DIAPH2: variants seen among roughly 807,000 people sequenced by gnomAD.
DIAPH2 encodes the protein diaphanous related formin 2.
In DIAPH2, 35 loss-of-function variants were observed where a neutral mutation model predicts 92.7. The ratio of observed to expected loss-of-function variants is 0.38; its 90% CI spans 0.29 to 0.50. The LOEUF is 0.50. Ranked by LOEUF, DIAPH2 falls within the 20% of genes least tolerant of loss-of-function variation. The pLI is 0.94. For synonymous variants in DIAPH2, 301 were observed against 280.4 expected (o/e 1.07, Z -0.73); for missense variants, 701 against 819.5 (o/e 0.86, Z 1.77).
chrX:97,406,607 A>G (rs978907867), intron 25 of DIAPH2, among the ~76,000 whole-genome samples: 1 of 112,020 alleles, frequency 8.9e-6, no homozygotes, highest in South Asian at 3.7e-4. Context: ...GTAAGAGTAT[A>G]AGTAGTGTAT....
chrX:97,577,342 C>T (rs1181644809), intron 26 of DIAPH2, among the ~76,000 whole-genome samples: 1 of 112,341 alleles, frequency 8.9e-6, no homozygotes, highest in East Asian at 2.8e-4. Flanking sequence ...TACTACATGG[C>T]TATTTAATAT....
intron 4 of DIAPH2, among the ~76,000 whole-genome samples, chrX:96,836,750 C>T (rs1182794099): frequency 4.7e-5 from 2 of 42,338 alleles, no homozygotes; most frequent in African/African-American, 9.4e-5. Context: ...TTTTTTGAGA[C>T]GGAGTCTCGC....
At position 96,892,571 on chromosome X, in the gene DIAPH2, T is replaced by C. The variant is rs2065314762; in HGVS notation, c.587+10853T>C. On this transcript the variant is annotated intron_variant, in intron 5 of 26. Transcript: ENST00000324765. ...TTAAGTGACATGGAAATTTTAATTA[T>C]ATACTATTAGCTTCAAAACATAATT... Among the ~76,000 whole-genome samples the C allele has an allele frequency of 6.2e-5, 7 of 112,059 alleles. No homozygotes were observed. In the Admixed American group the frequency reaches 6.7e-4, roughly 11 times the overall value.
At chrX:97,033,436 C>T (rs1188773844) in intron 17 of DIAPH2, among the ~76,000 whole-genome samples, 1 of 111,505 alleles carries the variant, frequency 9.0e-6, no homozygotes, top group Non-Finnish European at 1.9e-5. Flanking sequence ...CTCCATTAGT[C>T]CTTTTGTTGC....
intron 4 of DIAPH2, among the ~76,000 whole-genome samples, chrX:96,804,733 AAAT>A (rs1326761618): frequency 9.0e-6 from 1 of 111,683 alleles, no homozygotes; most frequent in Non-Finnish European, 1.9e-5. Flanking sequence ...AGTGTTCCAA[AAAT>A]AAAATAATAA....
chrX:97,308,835 A>T (rs2147637316), intron 23 of DIAPH2, among the ~76,000 whole-genome samples: 1 of 104,187 alleles, frequency 9.6e-6, no homozygotes, highest in African/African-American at 3.5e-5. Flanking sequence ...GTTAGCCAGG[A>T]TGGATGAAAC....
chrX:97,518,526 ATGTGTGTGTATATATATGTT>A (rs1569416484), intron 26 of DIAPH2, among the ~76,000 whole-genome samples: 1 of 109,610 alleles, frequency 9.1e-6, no homozygotes, highest in Non-Finnish European at 1.9e-5. Context: ...ATATATATAT[ATGTGTGTGTATATATATGTT>A]TGTGTGTGTA....
intron 22 of DIAPH2, among the ~76,000 whole-genome samples, chrX:97,160,939 A>T (rs751383843): frequency 5.4e-5 from 6 of 111,400 alleles, no homozygotes; most frequent in Non-Finnish European, 1.1e-4. Flanking sequence ...AATTTGGAAC[A>T]TATGGAATGA....
At chrX:97,289,494 C>T (rs1370457899) in intron 23 of DIAPH2, among the ~76,000 whole-genome samples, 7 of 111,423 alleles carry the variant, frequency 6.3e-5, no homozygotes, top group African/African-American at 1.6e-4. Flanking sequence ...TAACTTACTG[C>T]TCTTTAAAGT....
chrX:96,766,100 C>T (rs1444806121), intron 4 of DIAPH2, among the ~76,000 whole-genome samples: 2 of 109,971 alleles, frequency 1.8e-5, no homozygotes, highest in Non-Finnish European at 3.8e-5. Context: ...ATGTACACAG[C>T]TTCTGTGTTC....
intron 20 of DIAPH2, among the ~76,000 whole-genome samples, chrX:97,101,365 A>G (rs764298531): frequency 9.0e-6 from 1 of 111,279 alleles, no homozygotes; most frequent in South Asian, 3.8e-4. Flanking sequence ...TGGGGACGTA[A>G]AAAGCAATAT....
chrX:96,684,946 C>T lies in DIAPH2; in HGVS notation c.-113C>T. ...GCAGCTTCCCGGGCAGACACTCTCT[C>T]CCTCAGGAAGAGGTGCCGCCGAGTC... is the stretch of plus-strand genomic sequence containing the variant. On this transcript the variant is annotated 5_prime_UTR_variant, in exon 1 of 27. Coordinates refer to ENST00000324765, the MANE Select transcript of DIAPH2 (RefSeq NM_006729.5). 1.2e-6 allele frequency: 1 copy of T among 862,951 alleles called. No homozygotes were observed. The highest frequency in any genetic ancestry group is 1.5e-6 in the Non-Finnish European group (1 of 679,780). 71.1% of individuals were successfully genotyped at this position (862,951 alleles called of 1,213,427 possible). A position where few individuals can be genotyped will look rare whatever the true frequency, so the allele number is the denominator to read the frequency against.
chrX:96,900,141 G>A (rs1348363843), intron 5 of DIAPH2, among the ~76,000 whole-genome samples: 2 of 111,799 alleles, frequency 1.8e-5, no homozygotes, highest in Non-Finnish European at 3.8e-5. Context: ...TGTTATCTGT[G>A]ATTTCTTTCA....
chrX:97,382,851 C>G (rs772201965), intron 24 of DIAPH2, among the ~76,000 whole-genome samples: 7 of 112,363 alleles, frequency 6.2e-5, no homozygotes, highest in African/African-American at 2.3e-4. Context: ...ATATAAACCC[C>G]TCCAGGCAAA....
At chrX:97,323,142 G>T (rs2068914758) in intron 23 of DIAPH2, among the ~76,000 whole-genome samples, 1 of 106,045 alleles carries the variant, frequency 9.4e-6, no homozygotes, top group African/African-American at 3.4e-5. Context: ...CTGACCTCAG[G>T]TGATCCGCCC....
intron 22 of DIAPH2, among the ~76,000 whole-genome samples, chrX:97,235,446 A>G (rs2068040187): frequency 9.1e-6 from 1 of 109,636 alleles, no homozygotes; most frequent in Non-Finnish European, 1.9e-5. Flanking sequence ...TCTACTCAAA[A>G]TACAAAAATT....
intron 26 of DIAPH2, among the ~76,000 whole-genome samples, chrX:97,522,207 A>G (rs1326356674): frequency 8.9e-6 from 1 of 112,428 alleles, no homozygotes; most frequent in Non-Finnish European, 1.9e-5. Flanking sequence ...GATTATATAT[A>G]CATTCAAACT....
At chrX:97,285,903 T>A (rs2068537939) in intron 23 of DIAPH2, among the ~76,000 whole-genome samples, 1 of 109,870 alleles carries the variant, frequency 9.1e-6, no homozygotes, top group Non-Finnish European at 1.9e-5. Context: ...AGCCTCCTGT[T>A]ACTTCTTTAA....
At chrX:97,153,353 C>T (rs747941686) in intron 22 of DIAPH2, among the ~76,000 whole-genome samples, 5 of 110,919 alleles carry the variant, frequency 4.5e-5, no homozygotes, top group African/African-American at 9.8e-5. Flanking sequence ...GAGGCCGAGG[C>T]GGGTGGATTC....
Sources: allele counts gnomAD v4.1 joint callset (sites outside exome capture counted in the v4.1 genomes callset), GRCh38; gene constraint gnomAD v4.1.1; transcripts MANE v1.5; gene names NCBI Gene and HGNC (gene_info 2026-07-23, HGNC 2026-07-21).